STK39: variants seen among roughly 807,000 people sequenced by gnomAD.
STK39 encodes serine/threonine kinase 39, also known as STE20/SPS1-related proline-alanine-rich protein kinase.
STK39 carries 20 observed loss-of-function variants against 77.8 expected under a neutral mutation model. The ratio of observed to expected loss-of-function variants is 0.26; its 90% CI spans 0.18 to 0.37. The LOEUF (loss-of-function observed/expected upper bound fraction) is 0.37. STK39 is among the 10% of genes least tolerant of loss of function. The pLI, the probability that STK39 is intolerant of heterozygous loss-of-function variation, is 1.00. For synonymous variants in STK39, 246 were observed against 234.1 expected (o/e 1.05, Z -0.47); for missense variants, 479 against 656.5 (o/e 0.73, Z 2.95).
chr2:167,986,895 C>T (rs928080817), intron 16 of STK39, among the ~76,000 whole-genome samples: 2 of 151,992 alleles, frequency 1.3e-5, no homozygotes, highest in Non-Finnish European at 2.9e-5. Context: ...AGACAGAAGA[C>T]GAGCCAGAAA....
At chr2:168,194,805 C>A (rs1023965891) in intron 1 of STK39, among the ~76,000 whole-genome samples, 1 of 152,122 alleles carries the variant, frequency 6.6e-6, no homozygotes, top group Non-Finnish European at 1.5e-5. Flanking sequence ...AACTTTATAA[C>A]GCTATGTCTA....
intron 1 of STK39, among the ~76,000 whole-genome samples, chr2:168,193,302 C>T (rs1689385210): frequency 1.3e-5 from 2 of 152,112 alleles, no homozygotes; most frequent in African/African-American, 2.4e-5. Flanking sequence ...TCTTTCTTCC[C>T]CCCCCTCTTC....
chr2:167,994,295 A>T (rs1330230183), intron 16 of STK39, among the ~76,000 whole-genome samples: 1 of 152,244 alleles, frequency 6.6e-6, no homozygotes, highest in Non-Finnish European at 1.5e-5. Flanking sequence ...CTTCAAACTG[A>T]GTATACAGAA....
intron 1 of STK39, among the ~76,000 whole-genome samples, chr2:168,199,041 C>T (rs1689544919): frequency 6.6e-6 from 1 of 152,172 alleles, no homozygotes; most frequent in South Asian, 2.1e-4. Flanking sequence ...GCTATGGCAT[C>T]ATATTTTGGG....
chr2:168,226,531 T>A (rs1690310393), intron 1 of STK39, among the ~76,000 whole-genome samples: 1 of 152,198 alleles, frequency 6.6e-6, no homozygotes, highest in East Asian at 1.9e-4. Context: ...TTCATCACAC[T>A]TCATTTTTTA....
intron 1 of STK39, among the ~76,000 whole-genome samples, chr2:168,243,779 T>C (rs1452752478): frequency 6.6e-6 from 1 of 152,236 alleles, no homozygotes; most frequent in Non-Finnish European, 1.5e-5. Context: ...TGATTCACTT[T>C]CATTCCCTGT....
At chr2:168,192,592 A>G (rs747697305) in intron 1 of STK39, among the ~76,000 whole-genome samples, 2 of 152,194 alleles carry the variant, frequency 1.3e-5, no homozygotes, top group East Asian at 3.9e-4. Context: ...CACAGCCCCA[A>G]GCTATGTGAC....
At chr2:168,157,545 C>G (rs1688465814) in intron 5 of STK39, among the ~76,000 whole-genome samples, 1 of 152,156 alleles carries the variant, frequency 6.6e-6, no homozygotes, top group Non-Finnish European at 1.5e-5. Flanking sequence ...GGCAGATTCA[C>G]TATCTAGTAA....
chr2:168,137,947 T>A lies in STK39; in HGVS notation c.974+141A>T, dbSNP rs566560793. The A allele has an allele frequency of 1.4e-5, 16 of 1,176,508 alleles. No individual in the cohort carries two copies. The South Asian group carries it at 2.6e-4, about 19-fold the overall frequency. 72.9% of individuals were successfully genotyped at this position (1,176,508 alleles called of 1,614,324 possible). On this transcript the variant is annotated intron_variant, in intron 8 of 17. Coordinates refer to ENST00000355999, the MANE Select transcript of STK39 (RefSeq NM_013233.3). Reference sequence around the variant, plus strand: ...ACCCACACCGTCTTTCACTAACAGGTTGGAAATCTGGGGACCACAGCAGGG... The same window carrying A: ...ACCCACACCGTCTTTCACTAACAGGATGGAAATCTGGGGACCACAGCAGGG...
At chr2:168,094,019 G>A (rs1686595587) in intron 10 of STK39, among the ~76,000 whole-genome samples, 1 of 152,154 alleles carries the variant, frequency 6.6e-6, no homozygotes, top group Non-Finnish European at 1.5e-5. Flanking sequence ...TGCCTCTAGG[G>A]AAGGAAGACT....
intron 14 of STK39, among the ~76,000 whole-genome samples, chr2:168,056,492 G>A (rs1052328374): frequency 7.9e-5 from 12 of 152,120 alleles, no homozygotes; most frequent in African/African-American, 2.9e-4. Flanking sequence ...AGGAAGGGCT[G>A]GCCTGAACTA....
intron 1 of STK39, among the ~76,000 whole-genome samples, chr2:168,182,508 C>T (rs1479651182): frequency 6.6e-6 from 1 of 152,192 alleles, no homozygotes; most frequent in East Asian, 1.9e-4. Context: ...TGTTTGAACA[C>T]TCTTTGGGCT....
intron 8 of STK39, among the ~76,000 whole-genome samples, chr2:168,129,993 G>A (rs1309095526): frequency 6.6e-6 from 1 of 152,166 alleles, no homozygotes; most frequent in Non-Finnish European, 1.5e-5. Context: ...TGCTTGGGGC[G>A]TAATCAATTT....
At chr2:168,060,351 T>A (rs144557726) in intron 14 of STK39, among the ~76,000 whole-genome samples, 4 of 152,170 alleles carry the variant, frequency 2.6e-5, no homozygotes, top group African/African-American at 9.7e-5. Flanking sequence ...GAGGTAATTA[T>A]GTTTAGGTGA....
intron 14 of STK39, among the ~76,000 whole-genome samples, chr2:168,041,850 TC>T (rs1187824966): frequency 6.6e-6 from 1 of 152,192 alleles, no homozygotes; most frequent in Non-Finnish European, 1.5e-5. Flanking sequence ...GCCCTTGACT[TC>T]TAAGGAGTGT....
intron 1 of STK39, among the ~76,000 whole-genome samples, chr2:168,186,949 G>A (rs903668123): frequency 6.6e-6 from 1 of 152,180 alleles, no homozygotes; most frequent in African/African-American, 2.4e-5. Flanking sequence ...ACAGCATGAT[G>A]AGCATAAGAG....
rs201994855 is a variant in STK39, at chr2:168,063,499, C to T, written c.1376+1G>A. 1.9e-6 allele frequency: 3 copies of T among 1,611,958 alleles called. No individual in the cohort carries two copies. Among genetic ancestry groups the T allele is most frequent in the Non-Finnish European group, 2.5e-6 (3 of 1,178,820 alleles). ...GCAGAATAAACAACAGTATTATTTA[C>T]CTTAATCTCAAAACGAGGTTCACGG... On this transcript the variant is annotated splice_donor_variant, in intron 14 of 17. Coordinates refer to ENST00000355999, the MANE Select transcript of STK39 (RefSeq NM_013233.3). LOFTEE classifies it high-confidence loss of function.
chr2:168,061,544 T>A (rs746073580), intron 14 of STK39, among the ~76,000 whole-genome samples: 3 of 152,204 alleles, frequency 2.0e-5, no homozygotes, highest in Non-Finnish European at 4.4e-5. Flanking sequence ...TATTTGAACA[T>A]AGAACCCTTT....
intron 14 of STK39, among the ~76,000 whole-genome samples, chr2:168,059,139 G>A (rs994510802): frequency 6.6e-6 from 1 of 152,142 alleles, no homozygotes; most frequent in Non-Finnish European, 1.5e-5. Flanking sequence ...ACTTCCAATA[G>A]GGGTCTGTCT....
Sources: allele counts gnomAD v4.1 joint callset (sites outside exome capture counted in the v4.1 genomes callset), GRCh38; gene constraint gnomAD v4.1.1; transcripts MANE v1.5; gene names NCBI Gene and HGNC (gene_info 2026-07-23, HGNC 2026-07-21).